PCDHA1: variants seen among roughly 807,000 people sequenced by gnomAD.
PCDHA1 encodes protocadherin alpha-1.
Under a neutral mutation model 61.3 loss-of-function variants are expected in PCDHA1, and 42 were observed. That is an observed-to-expected ratio of 0.69 (90% CI 0.54 to 0.89). The LOEUF (loss-of-function observed/expected upper bound fraction) is 0.89, where lower values mean the gene tolerates loss of function less well. Among genes scored for constraint, PCDHA1 ranks in the 40% least tolerant of loss-of-function variants. PCDHA1 has a pLI of 0.00. For missense variants in PCDHA1, 1,256 were observed against 1,235.3 expected (o/e 1.02, Z -0.25); for synonymous variants, 610 against 553.8 (o/e 1.10, Z -1.43).
intron 1 of PCDHA1, among the ~76,000 whole-genome samples, chr5:140,838,563 G>C (rs1007641143): frequency 1.3e-5 from 2 of 151,752 alleles, no homozygotes; most frequent in African/African-American, 4.9e-5. Flanking sequence ...ATCCAGTACT[G>C]TATTAGGGAC....
At chr5:140,937,789 G>A (rs1413517840) in intron 1 of PCDHA1, among the ~76,000 whole-genome samples, 1 of 151,816 alleles carries the variant, frequency 6.6e-6, no homozygotes, top group Non-Finnish European at 1.5e-5. Flanking sequence ...GCGGGCGTAT[G>A]TAGTCCCAGC....
At chr5:140,939,262 T>G (rs1371349789) in intron 1 of PCDHA1, among the ~76,000 whole-genome samples, 1 of 152,146 alleles carries the variant, frequency 6.6e-6, no homozygotes, top group Non-Finnish European at 1.5e-5. Context: ...GGAACCTCTT[T>G]TATGAGAGCT....
At chr5:140,913,160 G>T (rs1437493261) in intron 1 of PCDHA1, among the ~76,000 whole-genome samples, 4 of 152,156 alleles carry the variant, frequency 2.6e-5, no homozygotes, top group African/African-American at 9.7e-5. Flanking sequence ...AGTAGGATTG[G>T]TATTAGTTCT....
chr5:140,927,317 G>A lies in PCDHA1; in HGVS notation c.2395-51632G>A, dbSNP rs782172424. ...CCCGAGTTCCTGACGCCCGGAGCCCGCTTTACTCTCCCGAATGCCCAAGAT... is the reference window on the plus strand; with the variant it reads ...CCCGAGTTCCTGACGCCCGGAGCCCACTTTACTCTCCCGAATGCCCAAGAT... On this transcript the variant is annotated intron_variant, in intron 1 of 3. Coordinates refer to ENST00000504120, the MANE Select transcript of PCDHA1 (RefSeq NM_018900.4). 3.2e-5 allele frequency: 52 copies of A among 1,614,146 alleles called. 1 individual carries two copies. The South Asian group carries it at 5.2e-4, about 16-fold the overall frequency.
chr5:140,832,463 A>G (rs1009680795), intron 1 of PCDHA1, among the ~76,000 whole-genome samples: 1 of 152,236 alleles, frequency 6.6e-6, no homozygotes, highest in South Asian at 2.1e-4. Context: ...TTGCACTAAA[A>G]TTTAAAAAAA....
intron 1 of PCDHA1, chr5:140,928,982 G>T: frequency 6.2e-7 from 1 of 1,613,824 alleles, no homozygotes; most frequent in Non-Finnish European, 8.5e-7. Flanking sequence ...TTATTTCTGG[G>T]GTGCTTACTT....
Position 140,991,900 on chromosome 5 carries a change from ATCCC to A in PCDHA1, c.2542+9339_2542+9342del, listed in dbSNP as rs576684602. Reference sequence around the variant, plus strand: ...GGCTGCCATAACAAATTAACACAAAATCCCTTTTGCCATGTAACATAACATATTC... The same window carrying A: ...GGCTGCCATAACAAATTAACACAAAATTTTGCCATGTAACATAACATATTC... On this transcript the variant is annotated intron_variant, in intron 3 of 3. Coordinates refer to ENST00000504120, the MANE Select transcript of PCDHA1 (RefSeq NM_018900.4). Among the ~76,000 whole-genome samples, 390 of 152,250 alleles carry A rather than the reference ATCCC, an allele frequency of 2.6e-3. 2 individuals carry two copies. The highest frequency in any genetic ancestry group is 4.8e-3 in the South Asian group (23 of 4,818).
intron 1 of PCDHA1, chr5:140,829,300 T>C (rs2150165566): frequency 6.2e-7 from 1 of 1,614,244 alleles, no homozygotes; most frequent in Non-Finnish European, 8.5e-7. Flanking sequence ...CCTTCAAGAA[T>C]TACTACTCGT....
At chr5:140,915,840 G>A (rs1554197129) in intron 1 of PCDHA1, among the ~76,000 whole-genome samples, 1 of 152,142 alleles carries the variant, frequency 6.6e-6, no homozygotes, top group Admixed American at 6.5e-5. Context: ...AGATCAGCAG[G>A]GGGTGACACC....
At chr5:141,003,616 G>A (rs1360535833) in intron 3 of PCDHA1, among the ~76,000 whole-genome samples, 1 of 152,132 alleles carries the variant, frequency 6.6e-6, no homozygotes, top group African/African-American at 2.4e-5. Flanking sequence ...CCCGGCCCCA[G>A]AGGGCAGTTT....
rs539970308 is a variant in PCDHA1 at position 140,890,959 on chromosome 5, G to GGTTTT, written c.2395-87984_2395-87980dup. 2.6e-4 allele frequency among the ~76,000 whole-genome samples: 40 copies of GGTTTT among 152,148 alleles called. 1 individual carries two copies. In the South Asian group the frequency reaches 8.1e-3, roughly 31 times the overall value. On this transcript the variant is annotated intron_variant, in intron 1 of 3. Transcript: ENST00000504120. ...AAGATGCTGGTGAGGAATGATTTCAGGTTTTGTTTTTCTGAAAATGTCTTT... is the reference window on the plus strand; with the variant it reads ...AAGATGCTGGTGAGGAATGATTTCAGGTTTTGTTTTGTTTTTCTGAAAATGTCTTT...
chr5:140,852,648 C>A, intron 1 of PCDHA1: 1 of 958,186 alleles, frequency 1.0e-6, no homozygotes, highest in Non-Finnish European at 1.3e-6. Context: ...TTAAACCTAT[C>A]TATATCTGTC....
chr5:140,913,531 A>T (rs1451484656), intron 1 of PCDHA1, among the ~76,000 whole-genome samples: 1 of 151,914 alleles, frequency 6.6e-6, no homozygotes, highest in Admixed American at 6.6e-5. Flanking sequence ...TTTTCAAAAG[A>T]TTGACTTTTT....
chr5:140,869,964 T>A (rs546576795), intron 1 of PCDHA1: 1 of 1,613,046 alleles, frequency 6.2e-7, no homozygotes, highest in African/African-American at 1.3e-5. Context: ...TTAAGCCCAA[T>A]GGAAGACACT....
Position 140,840,718 on chromosome 5 carries a change from A to G in PCDHA1, c.2394+52034A>G, listed in dbSNP as rs2150309137. Among the ~76,000 whole-genome samples, 16 of 152,124 alleles carry G rather than the reference A, an allele frequency of 1.1e-4. 1 individual carries two copies. The South Asian group carries it at 3.3e-3, about 32-fold the overall frequency. On this transcript the variant is annotated intron_variant, in intron 1 of 3. Transcript: ENST00000504120. ...GTTCAGGCAATTTGACATTTATTGA[A>G]TAAAGAAAAGCAAAAATTTAACAAT...
intron 1 of PCDHA1, chr5:140,870,942 G>T (rs782286042): frequency 1.2e-6 from 2 of 1,613,740 alleles, no homozygotes; most frequent in Non-Finnish European, 1.7e-6. Flanking sequence ...TGCAGCCGGC[G>T]GCGGGCGGCT....
At chr5:140,873,395 C>T (rs1376459228) in intron 1 of PCDHA1, among the ~76,000 whole-genome samples, 1 of 152,094 alleles carries the variant, frequency 6.6e-6, no homozygotes, top group African/African-American at 2.4e-5. Context: ...GGAATGTTTT[C>T]AGTACAGGTT....
intron 1 of PCDHA1, chr5:140,805,182 A>G: frequency 1.3e-6 from 2 of 1,493,614 alleles, no homozygotes; most frequent in Non-Finnish European, 1.8e-6. Flanking sequence ...TGCTATGCCA[A>G]ATAAATATTG....
intron 1 of PCDHA1, chr5:140,929,043 C>T: frequency 6.2e-7 from 1 of 1,614,196 alleles, no homozygotes; most frequent in South Asian, 1.1e-5. Flanking sequence ...GCGCTCAGAG[C>T]TGCTGTCGCT....
Sources: allele counts gnomAD v4.1 joint callset (sites outside exome capture counted in the v4.1 genomes callset), GRCh38; gene constraint gnomAD v4.1.1; transcripts MANE v1.5; gene names NCBI Gene and HGNC (gene_info 2026-07-23, HGNC 2026-07-21).